ABCB11: variants seen among roughly 807,000 people sequenced by gnomAD.
The protein encoded by ABCB11 is ATP binding cassette subfamily B member 11.
ABCB11 carries 95 observed loss-of-function variants against 148.0 expected under a neutral mutation model. The observed-to-expected ratio is 0.64, with a 90% CI of 0.54 to 0.76. The LOEUF (loss-of-function observed/expected upper bound fraction) is 0.76. ABCB11 is among the 30% of genes least tolerant of loss of function. ABCB11 has a pLI of 0.00. For missense variants in ABCB11, 1,523 were observed against 1,617.8 expected (o/e 0.94, Z 1.01); for synonymous variants, 591 against 555.4 (o/e 1.06, Z -0.90).
At chr2:169,005,626 GC>G (rs751566187) in intron 5 of ABCB11, among the ~76,000 whole-genome samples, 1 of 152,090 alleles carries the variant, frequency 6.6e-6, no homozygotes, top group Non-Finnish European at 1.5e-5. Flanking sequence ...CAGACCACAA[GC>G]CTCCCCATTG....
chr2:169,021,572 A>G (rs1307785660), intron 1 of ABCB11, among the ~76,000 whole-genome samples: 1 of 152,128 alleles, frequency 6.6e-6, no homozygotes, highest in African/African-American at 2.4e-5. Flanking sequence ...ATAAACAGAC[A>G]AAAAATTAGA....
chr2:169,012,979 C>T (rs1183493184), intron 5 of ABCB11, among the ~76,000 whole-genome samples: 1 of 151,944 alleles, frequency 6.6e-6, no homozygotes, highest in Non-Finnish European at 1.5e-5. Context: ...TCCCTAGTGA[C>T]GTTAAGTATT....
At chr2:168,983,099 G>C (rs921178391) in intron 10 of ABCB11, among the ~76,000 whole-genome samples, 6 of 152,080 alleles carry the variant, frequency 3.9e-5, no homozygotes, top group African/African-American at 1.4e-4. Flanking sequence ...AGTTACCAAA[G>C]GGATTTTTAT....
In ABCB11 at chr2:168,973,722, T is replaced by C; in HGVS notation, c.1427A>G (p.Glu476Gly). ...QLIQRFYDPC[E>G]GMVTVDGHDI... is the part of the protein sequence containing the mutation. ...TTTCTGGAAGACACCCACCATTCCT[T>C]CACAGGGGTCATAGAATCGCTGAAT... Residue 476 changes from glutamate to glycine, a missense_variant, in exon 13 of 28, where the codon GAA (glutamate) becomes GGA (glycine). Glu to Gly is a moderately conservative substitution (Grantham distance 98). Transcript: ENST00000650372. 1 of 1,611,796 alleles carries C rather than the reference T, an allele frequency of 6.2e-7. No homozygotes were observed. The highest frequency in any genetic ancestry group is 8.5e-7 in the Non-Finnish European group (1 of 1,178,332).
Position 168,923,306 on chromosome 2 carries a change from C to T in ABCB11, c.*316G>A, listed in dbSNP as rs560085646. 62 of 399,314 alleles carry T rather than the reference C, an allele frequency of 1.6e-4. No homozygotes were observed. In the East Asian group the frequency reaches 2.0e-3, roughly 13 times the overall value. 24.7% of individuals were successfully genotyped at this position (399,314 alleles called of 1,614,324 possible). On this transcript the variant is annotated 3_prime_UTR_variant, in exon 28 of 28. Coordinates refer to ENST00000650372, the MANE Select transcript of ABCB11 (RefSeq NM_003742.4). ...CTCCCTGATGTCTCACTAATTCCCA[C>T]ATATTAATCAGGACTGGCTCCTGCA... is the stretch of plus-strand genomic sequence containing the variant.
chr2:168,934,200 T>A (rs534641933), intron 23 of ABCB11, among the ~76,000 whole-genome samples: 1 of 152,224 alleles, frequency 6.6e-6, no homozygotes, highest in South Asian at 2.1e-4. Flanking sequence ...CTAGTAGCTT[T>A]AAATATGCAA....
chr2:169,008,475 C>T (rs73022704), intron 5 of ABCB11, among the ~76,000 whole-genome samples: 11,453 of 152,196 alleles, frequency 0.075, 504 homozygotes, highest in African/African-American at 0.11. Context: ...TTAGGGCCCA[C>T]CTGGATAATC....
rs1396559543 is a variant in ABCB11 at position 168,930,879 on chromosome 2, C to T, written c.3214-17G>A. ...GAAGTTGTCCTGTGGATGGGAGGATCAAAATTAGAGATGCTCTTACTGAAG... is the reference window on the plus strand; with the variant it reads ...GAAGTTGTCCTGTGGATGGGAGGATTAAAATTAGAGATGCTCTTACTGAAG... On this transcript the variant is annotated splice_polypyrimidine_tract_variant and intron_variant, in intron 24 of 27. Transcript: ENST00000650372. 6.4e-7 allele frequency: 1 copy of T among 1,570,694 alleles called. No homozygotes were observed. Among genetic ancestry groups the T allele is most frequent in the Non-Finnish European group, 8.6e-7 (1 of 1,157,820 alleles).
At chr2:168,964,140 A>G (rs981469188) in intron 18 of ABCB11, 66 bp downstream of exon 18, 21 of 1,223,414 alleles carry the variant, frequency 1.7e-5, no homozygotes, top group Non-Finnish European at 2.1e-5. Context: ...CTCAGGCTTA[A>G]AGGGTACCCA....
intron 1 of ABCB11, among the ~76,000 whole-genome samples, chr2:169,026,969 C>T (rs181903995): frequency 6.6e-6 from 1 of 152,246 alleles, no homozygotes; most frequent in Admixed American, 6.5e-5. Flanking sequence ...AGCTGTAACA[C>T]TTTTTTAGCA....
At chr2:168,990,651 T>G in intron 9 of ABCB11, 150 bp downstream of exon 9, 1 of 957,736 alleles carries the variant, frequency 1.0e-6, no homozygotes, top group South Asian at 1.8e-5. Context: ...ATTACCAACC[T>G]AAATTACTCT....
At chr2:168,969,955 ATCCCTC>A in intron 15 of ABCB11, 84 bp downstream of exon 15, 37 of 545,872 alleles carry the variant, frequency 6.8e-5, no homozygotes, top group East Asian at 1.0e-4. Context: ...AACTACTCCC[ATCCCTC>A]CCACCCCACA....
rs192788039 is a variant in ABCB11 at position 168,922,071 on chromosome 2, A to T, written c.*1551T>A. ...TCACCATGTTAGCCAGGATGGTCTCAATCTCTCGACCTCATGATCCGCCCG... is the reference window on the plus strand; with the variant it reads ...TCACCATGTTAGCCAGGATGGTCTCTATCTCTCGACCTCATGATCCGCCCG... On this transcript the variant is annotated 3_prime_UTR_variant, in exon 28 of 28. Transcript: ENST00000650372. 2.0e-5 allele frequency among the ~76,000 whole-genome samples: 3 copies of T among 151,908 alleles called. No individual in the cohort carries two copies. The highest frequency in any genetic ancestry group is 4.2e-4 in the South Asian group (2 of 4,798).
intron 17 of ABCB11, among the ~76,000 whole-genome samples, 157 bp downstream of exon 17, chr2:168,968,270 G>A (rs1693404716): frequency 6.6e-6 from 1 of 151,872 alleles, no homozygotes; most frequent in African/African-American, 2.4e-5. Flanking sequence ...TGTCAATATA[G>A]CAACCAAGGA....
chr2:168,962,407 T>C (rs1693118103), intron 18 of ABCB11, among the ~76,000 whole-genome samples: 1 of 151,726 alleles, frequency 6.6e-6, no homozygotes, highest in Non-Finnish European at 1.5e-5. Context: ...TTTAGTTAAA[T>C]GGTTCCCTCC....
At chr2:169,002,270 T>G (rs1694898777) in intron 5 of ABCB11, among the ~76,000 whole-genome samples, 1 of 151,960 alleles carries the variant, frequency 6.6e-6, no homozygotes, top group Non-Finnish European at 1.5e-5. Flanking sequence ...TGAAGCAAAG[T>G]CTGGTTATTA....
chr2:168,977,481 A>G (rs1238424354), intron 11 of ABCB11, among the ~76,000 whole-genome samples: 1 of 152,078 alleles, frequency 6.6e-6, no homozygotes, highest in Admixed American at 6.6e-5. Context: ...AACAAGCCCA[A>G]TCTAGAATTT....
Position 168,979,925 on chromosome 2 carries a change from A to C in ABCB11, c.1138T>G (p.Leu380Val). 1 of 1,611,996 alleles carries C rather than the reference A, an allele frequency of 6.2e-7. No individual in the cohort carries two copies. The highest frequency in any genetic ancestry group is 8.5e-7 in the Non-Finnish European group (1 of 1,178,524). Residue 380 changes from leucine to valine, a missense_variant, in exon 11 of 28, where the codon TTG becomes GTG. Leu to Val is a conservative substitution (Grantham distance 32). Coordinates refer to ENST00000650372, the MANE Select transcript of ABCB11 (RefSeq NM_003742.4). ...GCACGTCCAGTTGCAAAGGCTTCCAAACAAGGAGAGGCATTGCCAAGATTT... is the reference window on the plus strand; with the variant it reads ...GCACGTCCAGTTGCAAAGGCTTCCACACAAGGAGAGGCATTGCCAAGATTT... ...ALNLGNASPC[L>V]EAFATGRAAA...
At chr2:168,975,766 A>T (rs62171034) in intron 12 of ABCB11, among the ~76,000 whole-genome samples, 25,600 of 61,960 alleles carry the variant, frequency 0.41, 8,090 homozygotes, top group East Asian at 0.69. Context: ...TCATATATAT[A>T]TCACAGATAT....
Sources: gnomAD v4.1 joint callset for allele counts (sites outside exome capture counted in the v4.1 genomes callset) on GRCh38, gnomAD v4.1.1 for gene constraint, MANE v1.5 for transcripts, NCBI Gene and HGNC (gene_info 2026-07-23, HGNC 2026-07-21) for gene names.